Variants in CDK13 observed in about 807,000 individuals in gnomAD.
CDK13 encodes cyclin dependent kinase 13.
Under a neutral mutation model 137.6 loss-of-function variants are expected in CDK13, and 40 were observed. The observed-to-expected ratio is 0.29, with a 90% CI of 0.23 to 0.38. The LOEUF (loss-of-function observed/expected upper bound fraction) is 0.38. CDK13 is among the 10% of genes least tolerant of loss of function. CDK13 has a pLI of 1.00. For synonymous variants in CDK13, 869 were observed against 760.1 expected (o/e 1.14, Z -2.36); for missense variants, 1,704 against 1,951.8 (o/e 0.87, Z 2.39).
In CDK13 at chr7:39,951,720, G is replaced by T. The variant is rs1303760403; in HGVS notation, c.1079G>T (p.Ser360Ile). 3.4e-6 allele frequency: 5 copies of T among 1,481,456 alleles called. No homozygotes were observed. The highest frequency in any genetic ancestry group is 3.5e-6 in the Non-Finnish European group (4 of 1,127,194). 91.8% of individuals were successfully genotyped at this position (1,481,456 alleles called of 1,614,324 possible). The change falls in exon 1 of 14, where the codon AGC becomes ATC. Residue 360 changes from serine to isoleucine, a missense_variant. Physicochemically the swap from Ser to Ile is moderately radical, Grantham distance 142. Coordinates refer to ENST00000181839, the MANE Select transcript of CDK13 (RefSeq NM_003718.5). ...TCTCGGCGGCTGCCGCGCTCCCCGA[G>T]CCCCTACAGTCGCCGCCGCTCCCCC... ...PYSRRLPRSP[S>I]PYSRRRSPSY...
chr7:39,991,267 TACA>T (rs1393741399), intron 2 of CDK13, among the ~76,000 whole-genome samples: 5 of 152,252 alleles, frequency 3.3e-5, no homozygotes, highest in Non-Finnish European at 5.9e-5. Context: ...TCTTTTCTGT[TACA>T]ACATACTTTA....
chr7:39,989,972 C>T (rs1022424502), intron 2 of CDK13, among the ~76,000 whole-genome samples: 3 of 151,918 alleles, frequency 2.0e-5, no homozygotes, highest in Non-Finnish European at 4.4e-5. Context: ...TTAGTAGAGA[C>T]GGGGGGCTTC....
chr7:39,951,218 G>T lies in CDK13; in HGVS notation c.577G>T (p.Gly193Trp). Residue 193 changes from glycine (G) to tryptophan (W), a missense_variant, in exon 1 of 14, where the codon GGG (glycine) becomes TGG (tryptophan). By Grantham distance (184) the Gly-to-Trp change is radical (BLOSUM62 -2). Transcript: ENST00000181839. ...SSSGTQRRGEGSERRPRRDRR... is the reference protein window; with the variant it reads ...SSSGTQRRGEWSERRPRRDRR... ...CTCCGGCACCCAGCGGCGCGGGGAG[G>T]GGTCGGAGCGCAGGCCCCGCCGGGA... is the stretch of plus-strand genomic sequence containing the variant. The T allele has an allele frequency of 8.0e-7, 1 of 1,255,938 alleles. No individual in the cohort carries two copies. The highest frequency in any genetic ancestry group is 1.0e-6 in the Non-Finnish European group (1 of 1,002,870). 77.8% of individuals were successfully genotyped at this position (1,255,938 alleles called of 1,614,324 possible).
At chr7:39,995,453 C>T (rs987536463) in intron 2 of CDK13, among the ~76,000 whole-genome samples, 1 of 152,134 alleles carries the variant, frequency 6.6e-6, no homozygotes, top group Admixed American at 6.6e-5. Context: ...TAGAAAGAAG[C>T]CTTTACTGTA....
At chr7:40,062,080 T>C (rs1376873593) in intron 7 of CDK13, 1 of 152,180 alleles carries the variant, frequency 6.6e-6, no homozygotes, top group Non-Finnish European at 1.5e-5. Context: ...GCCAAAAATA[T>C]GATCAATTGA....
intron 9 of CDK13, among the ~76,000 whole-genome samples, chr7:40,066,048 C>G (rs967823550): frequency 4.6e-5 from 7 of 151,962 alleles, no homozygotes; most frequent in Admixed American, 4.6e-4. Flanking sequence ...ACAAAAACAA[C>G]AACAACAAAT....
In CDK13 at chr7:39,951,263, C is replaced by T. The variant is rs1406147230; in HGVS notation, c.622C>T (p.Arg208Cys). The change falls in exon 1 of 14, where the codon CGC (arginine) becomes TGC (cysteine). Residue 208 changes from arginine to cysteine, a missense_variant. Arg to Cys is a radical substitution (Grantham distance 180, BLOSUM62 -3). Around this residue, in one of 5 missense-constraint regions of CDK13, gnomAD observed 1,051 missense variants for 931.0 expected, o/e 1.13. Transcript: ENST00000181839. ...CCGGGACCGCCGCAGCAGCAGTGGC[C>T]GCAGCAAGGAGCGCCACCGCGAGCA... is the stretch of plus-strand genomic sequence containing the variant. Reference protein sequence around the residue: ...PRRDRRSSSGRSKERHREHRR... With the variant: ...PRRDRRSSSGCSKERHREHRR... 25 of 1,336,974 alleles carry T rather than the reference C, an allele frequency of 1.9e-5. No individual in the cohort carries two copies. Among genetic ancestry groups the T allele is most frequent in the African/African-American group, 3.1e-5 (2 of 64,682 alleles). 82.8% of individuals were successfully genotyped at this position (1,336,974 alleles called of 1,614,324 possible). A position where few individuals can be genotyped will look rare whatever the true frequency, so the allele number is the denominator to read the frequency against.
chr7:39,981,175 T>C (rs946126746), intron 1 of CDK13, among the ~76,000 whole-genome samples: 2 of 152,120 alleles, frequency 1.3e-5, no homozygotes, highest in Admixed American at 1.3e-4. Flanking sequence ...GAGATCAGCC[T>C]GGACAATATG....
chr7:40,031,135 A>G (rs1427167478), intron 5 of CDK13, among the ~76,000 whole-genome samples: 1 of 152,224 alleles, frequency 6.6e-6, no homozygotes, highest in African/African-American at 2.4e-5. Flanking sequence ...CATTTTTACC[A>G]GCATTTGGTG....
chr7:39,996,668 A>T (rs993879914), intron 2 of CDK13, among the ~76,000 whole-genome samples: 1 of 152,142 alleles, frequency 6.6e-6, no homozygotes, highest in Non-Finnish European at 1.5e-5. Context: ...TCTTACGGTA[A>T]AATGTTTTGT....
At chr7:40,064,065 A>AC (rs1440683624) in intron 9 of CDK13, among the ~76,000 whole-genome samples, 3 of 151,972 alleles carry the variant, frequency 2.0e-5, no homozygotes, top group African/African-American at 7.2e-5. Context: ...TGGGTGGATC[A>AC]CCTGAGGTTG....
chr7:40,016,936 G>A (rs1443534335), intron 5 of CDK13, among the ~76,000 whole-genome samples: 1 of 151,888 alleles, frequency 6.6e-6, no homozygotes, highest in African/African-American at 2.4e-5. Context: ...GGATAGAATG[G>A]GAATATGCAT....
intron 7 of CDK13, among the ~76,000 whole-genome samples, chr7:40,054,796 T>C (rs1477425021): frequency 2.0e-5 from 3 of 152,220 alleles, no homozygotes; most frequent in Non-Finnish European, 4.4e-5. Flanking sequence ...AATTGTTTGA[T>C]TTTGTTTTCT....
chr7:39,954,305 A>G (rs1432636980), intron 1 of CDK13, among the ~76,000 whole-genome samples: 1 of 152,238 alleles, frequency 6.6e-6, no homozygotes, highest in African/African-American at 2.4e-5. Context: ...TAAAGATTTT[A>G]AAATATAATA....
intron 2 of CDK13, among the ~76,000 whole-genome samples, chr7:39,992,081 ACACACACACACACACACACACACG>A (rs1784466649): frequency 6.2e-5 from 2 of 32,220 alleles, no homozygotes; most frequent in Non-Finnish European, 1.6e-4. Flanking sequence ...ACACACACAC[ACACACACACACACACACACACACG>A]CACACACACA....
At chr7:39,982,586 G>A (rs1191135229) in intron 1 of CDK13, among the ~76,000 whole-genome samples, 8 of 152,216 alleles carry the variant, frequency 5.3e-5, no homozygotes, top group South Asian at 4.2e-4. Context: ...CTGAGGAATC[G>A]CCACACTGAC....
chr7:39,950,707 G>A lies in CDK13; in HGVS notation c.66G>A (p.Leu22=). The A allele has an allele frequency of 1.4e-6, 2 of 1,451,242 alleles. No individual in the cohort carries two copies. Among genetic ancestry groups the A allele is most frequent in the South Asian group, 1.4e-5 (1 of 73,816 alleles). The allele number at this position is 1,451,242 out of a possible 1,614,324, so 89.9% of individuals were successfully genotyped here. A position where few individuals can be genotyped will look rare whatever the true frequency, so the allele number is the denominator to read the frequency against. ...GCCTGAGCTGGGCGGAGAAGAAGTT[G>A]GAGGAACGCCGCAAGCGGAGGCGAT... The part of the protein sequence containing the change: ...GGGLSWAEKK[L]EERRKRRRFL... The change falls in exon 1 of 14, where the codon TTG becomes TTA. Residue 22 remains leucine (L), a synonymous_variant. Transcript: ENST00000181839.
chr7:39,997,448 G>A, intron 2 of CDK13, 46 bp from the exon 3 acceptor site: 3 of 1,469,446 alleles, frequency 2.0e-6, no homozygotes, highest in Non-Finnish European at 2.8e-6. Context: ...ATTTTTATTA[G>A]TCAACAAAAT....
At chr7:40,065,849 A>G (rs950763046) in intron 9 of CDK13, among the ~76,000 whole-genome samples, 4 of 152,210 alleles carry the variant, frequency 2.6e-5, no homozygotes, top group African/African-American at 7.2e-5. Context: ...CATATATGCA[A>G]TATAAATTAG....
Sources: gnomAD v4.1 joint callset for allele counts (sites outside exome capture counted in the v4.1 genomes callset) on GRCh38, gnomAD v4.1.1 for gene constraint, gnomAD v4.1.1 regional missense constraint, MANE v1.5 for transcripts, NCBI Gene and HGNC (gene_info 2026-07-23, HGNC 2026-07-21) for gene names.